Variants in FOXP1 observed in about 807,000 individuals in gnomAD.
FOXP1 encodes forkhead box protein P1.
A neutral mutation model predicts 98.2 loss-of-function variants in FOXP1; 15 were observed. That is an observed-to-expected ratio of 0.15 (90% confidence interval 0.10 to 0.24). The LOEUF (loss-of-function observed/expected upper bound fraction) is 0.24. Ranked by LOEUF, FOXP1 falls within the 10% of genes least tolerant of loss-of-function variation. The pLI is 1.00. For synonymous variants in FOXP1, 371 were observed against 314.5 expected, an observed-to-expected ratio of 1.18 and a Z score of -1.90; for missense variants, 633 against 848.5, an observed-to-expected ratio of 0.75 and a Z score of 3.15.
chr3:71,373,010 C>G (rs1487785835), intron 3 of FOXP1, among the ~76,000 whole-genome samples: 1 of 152,148 alleles, frequency 6.6e-6, no homozygotes, highest in Non-Finnish European at 1.5e-5. Flanking sequence ...GTCACTCACT[C>G]CCAGTGCCAG....
chr3:71,025,312 G>A (rs547015908), intron 11 of FOXP1, among the ~76,000 whole-genome samples: 3 of 152,134 alleles, frequency 2.0e-5, no homozygotes, highest in South Asian at 2.1e-4. Context: ...ATATAAATCC[G>A]ATTCGGTGGT....
intron 11 of FOXP1, among the ~76,000 whole-genome samples, chr3:71,032,194 C>CTG (rs1553702333): frequency 6.6e-6 from 1 of 152,254 alleles, no homozygotes; most frequent in Non-Finnish European, 1.5e-5. Context: ...GATGAAGACA[C>CTG]TGAACAAGCT....
chr3:71,186,090 G>T (rs1455238132), intron 6 of FOXP1, among the ~76,000 whole-genome samples: 31 of 152,282 alleles, frequency 2.0e-4, no homozygotes, highest in South Asian at 2.1e-4. Context: ...ATCTTTGAAT[G>T]CAGGGTGATA....
intron 13 of FOXP1, among the ~76,000 whole-genome samples, chr3:70,993,117 T>C (rs534263565): frequency 6.6e-6 from 1 of 152,236 alleles, no homozygotes; most frequent in Admixed American, 6.5e-5. Flanking sequence ...TAATCACATG[T>C]AAAGTTCGTA....
chr3:71,554,985 G>T (rs2046027225), intron 2 of FOXP1, among the ~76,000 whole-genome samples: 1 of 152,030 alleles, frequency 6.6e-6, no homozygotes, highest in African/African-American at 2.4e-5. Context: ...TGAAAAATAG[G>T]GGGAAATTAT....
chr3:71,222,600 G>A (rs569969988), intron 5 of FOXP1, among the ~76,000 whole-genome samples: 12 of 152,116 alleles, frequency 7.9e-5, no homozygotes, highest in African/African-American at 2.2e-4. Context: ...TGTATGTTTC[G>A]TAGAGATGGG....
At chr3:71,210,193 G>A (rs914615020) in intron 5 of FOXP1, among the ~76,000 whole-genome samples, 1 of 152,036 alleles carries the variant, frequency 6.6e-6, no homozygotes, top group East Asian at 1.9e-4. Context: ...ATCCCCCTCC[G>A]GAGTTCCACT....
chr3:71,088,439 G>A (rs2055404071), intron 7 of FOXP1, among the ~76,000 whole-genome samples: 1 of 148,652 alleles, frequency 6.7e-6, no homozygotes, highest in South Asian at 2.2e-4. Context: ...TGTCCCATAA[G>A]AATGTAATCT....
chr3:71,287,179 A>T (rs1245530651), intron 5 of FOXP1, among the ~76,000 whole-genome samples: 1 of 152,236 alleles, frequency 6.6e-6, no homozygotes. Flanking sequence ...TATGCCATAT[A>T]TAAGAAATAG....
Position 70,977,930 on chromosome 3 carries a change from G to A in FOXP1, c.1246C>T (p.Pro416Ser). 6.2e-7 allele frequency: 1 copy of A among 1,614,202 alleles called. No individual in the cohort carries two copies. The highest frequency in any genetic ancestry group is 8.5e-7 in the Non-Finnish European group (1 of 1,180,030). The change falls in exon 15 of 21, where the codon CCC (proline) becomes TCC (serine). Residue 416 changes from proline (P) to serine (S), a missense_variant. Physicochemically the swap from Pro to Ser is moderately conservative, Grantham distance 74 (BLOSUM62 -1). This residue lies in a region of FOXP1 where 141 missense variants were observed against 199.5 expected (regional missense o/e 0.71). Coordinates refer to ENST00000649528, the MANE Select transcript of FOXP1 (RefSeq NM_001349338.3). ...TPTTPTAPLT[P>S]VTQGPSVITT... ...ATGACAGAGGGGCCTTGGGTGACGG[G>A]AGTCAGGGGGGCGGTTGGGGTCGTT...
At chr3:71,457,380 T>C (rs1161069731) in intron 3 of FOXP1, among the ~76,000 whole-genome samples, 4 of 152,196 alleles carry the variant, frequency 2.6e-5, no homozygotes, top group African/African-American at 9.7e-5. Context: ...TCAATTAGCA[T>C]GGACCATTTT....
At chr3:71,555,502 GC>G (rs1250673512) in intron 2 of FOXP1, among the ~76,000 whole-genome samples, 1 of 152,194 alleles carries the variant, frequency 6.6e-6, no homozygotes, top group East Asian at 1.9e-4. Flanking sequence ...CTGAGACAAT[GC>G]TAACCCAGGA....
intron 2 of FOXP1, among the ~76,000 whole-genome samples, chr3:71,519,354 T>A (rs146977087): frequency 4.6e-4 from 70 of 152,326 alleles, no homozygotes; most frequent in African/African-American, 1.6e-3. Context: ...AGACTTTACA[T>A]AGTACATCAT....
chr3:70,979,778 T>TAA (rs34746282), intron 14 of FOXP1, among the ~76,000 whole-genome samples: 5 of 138,172 alleles, frequency 3.6e-5, no homozygotes, highest in South Asian at 5.0e-4. Context: ...ACACTCTAGT[T>TAA]AAAAAAAAAA....
chr3:71,497,200 C>T (rs1286525290), intron 2 of FOXP1, among the ~76,000 whole-genome samples: 1 of 152,022 alleles, frequency 6.6e-6, no homozygotes, highest in African/African-American at 2.4e-5. Flanking sequence ...AACCCCCACC[C>T]GCCTACGTAG....
At chr3:71,415,183 C>A (rs929389684) in intron 3 of FOXP1, among the ~76,000 whole-genome samples, 3 of 152,136 alleles carry the variant, frequency 2.0e-5, no homozygotes, top group Non-Finnish European at 2.9e-5. Context: ...GAAATTCATT[C>A]GACACGTGTC....
chr3:71,133,837 G>GAT (rs2059688474), intron 6 of FOXP1, among the ~76,000 whole-genome samples: 1 of 139,964 alleles, frequency 7.1e-6, no homozygotes, highest in Non-Finnish European at 1.6e-5. Context: ...TGTGTGTGAT[G>GAT]TTTTTTTTTC....
chr3:70,977,066 G>A (rs754991073), intron 16 of FOXP1, 24 bp from the exon 17 acceptor site: 25 of 1,469,892 alleles, frequency 1.7e-5, no homozygotes, highest in Non-Finnish European at 2.9e-6. Context: ...TGTAACAGAA[G>A]ATAATTTATG....
At chr3:70,959,810 G>A (rs2032837246) in intron 20 of FOXP1, among the ~76,000 whole-genome samples, 1 of 152,126 alleles carries the variant, frequency 6.6e-6, no homozygotes, top group African/African-American at 2.4e-5. Context: ...AATGCAGTGT[G>A]TGATTCAGGT....
Sources: gnomAD v4.1 joint callset for allele counts (sites outside exome capture counted in the v4.1 genomes callset) on GRCh38, gnomAD v4.1.1 for gene constraint, gnomAD v4.1.1 regional missense constraint, MANE v1.5 for transcripts, NCBI Gene and HGNC (gene_info 2026-07-23, HGNC 2026-07-21) for gene names.